The following FER variants were observed in gnomAD, a reference collection of about 807,000 sequenced individuals.
The protein encoded by FER is FER tyrosine kinase, also known as tyrosine-protein kinase Fer.
In FER, 63 loss-of-function variants were observed where a neutral mutation model predicts 111.0. That is an observed-to-expected ratio of 0.57 (90% CI 0.46 to 0.70). The LOEUF (loss-of-function observed/expected upper bound fraction) is 0.70. Among genes scored for constraint, FER ranks in the 30% least tolerant of loss-of-function variants. FER has a pLI of 0.00. For missense variants in FER, 914 were observed against 954.0 expected (o/e 0.96, Z 0.55); for synonymous variants, 327 against 313.9 (o/e 1.04, Z -0.44).
chr5:109,171,806 A>T (rs1757118485), intron 17 of FER, among the ~76,000 whole-genome samples: 1 of 152,188 alleles, frequency 6.6e-6, no homozygotes, highest in Non-Finnish European at 1.5e-5. Context: ...TTGTAGCCTC[A>T]GACAGCTAGT....
intron 13 of FER, among the ~76,000 whole-genome samples, chr5:108,985,030 AAG>A (rs1286569178): frequency 2.6e-5 from 4 of 152,118 alleles, no homozygotes; most frequent in African/African-American, 9.7e-5. Flanking sequence ...AAAATATTAA[AAG>A]AATAATTCCA....
At chr5:108,785,489 C>T in intron 2 of FER, 1 of 569,594 alleles carries the variant, frequency 1.8e-6, no homozygotes. Context: ...TGTTGGTGGT[C>T]ATTTGTTTGC....
chr5:108,906,223 T>C (rs1750741111), intron 10 of FER, among the ~76,000 whole-genome samples: 1 of 152,224 alleles, frequency 6.6e-6, no homozygotes, highest in African/African-American at 2.4e-5. Flanking sequence ...TTGTCTAATA[T>C]TTGATTATTT....
At chr5:109,113,304 T>TC (rs1283036786) in intron 17 of FER, among the ~76,000 whole-genome samples, 4 of 151,920 alleles carry the variant, frequency 2.6e-5, no homozygotes, top group Non-Finnish European at 5.9e-5. Flanking sequence ...ACATCAGGAG[T>TC]CCCACATTAA....
At chr5:109,099,980 T>C (rs562704553) in intron 16 of FER, among the ~76,000 whole-genome samples, 1 of 151,882 alleles carries the variant, frequency 6.6e-6, no homozygotes, top group East Asian at 1.9e-4. Context: ...ATTTACTTTT[T>C]TGTAATTAGC....
intron 13 of FER, among the ~76,000 whole-genome samples, chr5:108,982,274 G>T (rs1167723594): frequency 6.6e-6 from 1 of 152,128 alleles, no homozygotes; most frequent in Admixed American, 6.6e-5. Context: ...TCTGGAGCCT[G>T]TAAGTTATTG....
At chr5:109,095,551 A>G (rs1419060260) in intron 16 of FER, among the ~76,000 whole-genome samples, 1 of 152,064 alleles carries the variant, frequency 6.6e-6, no homozygotes, top group African/African-American at 2.4e-5. Flanking sequence ...TAGTGTTTGC[A>G]TCGGTCCTCT....
At chr5:109,080,707 G>A (rs987489091) in intron 16 of FER, among the ~76,000 whole-genome samples, 1 of 152,014 alleles carries the variant, frequency 6.6e-6, no homozygotes, top group Non-Finnish European at 1.5e-5. Context: ...TAAATGATAG[G>A]AGCAAGGAAA....
intron 2 of FER, among the ~76,000 whole-genome samples, chr5:108,781,881 AT>A (rs1156247652): frequency 6.6e-6 from 1 of 152,038 alleles, no homozygotes. Context: ...TTATTTAAAA[AT>A]GATTTTGTTT....
intron 10 of FER, among the ~76,000 whole-genome samples, chr5:108,898,904 A>G (rs1198280592): frequency 6.6e-6 from 1 of 151,768 alleles, no homozygotes; most frequent in Non-Finnish European, 1.5e-5. Context: ...CCCAGCACAA[A>G]ATTATCCAGG....
At chr5:109,066,555 A>G (rs779741390) in intron 16 of FER, among the ~76,000 whole-genome samples, 3 of 152,180 alleles carry the variant, frequency 2.0e-5, no homozygotes, top group Non-Finnish European at 4.4e-5. Flanking sequence ...TATTATTTCA[A>G]AAATAGTTGA....
intron 11 of FER, among the ~76,000 whole-genome samples, chr5:108,952,326 A>C (rs1410731672): frequency 7.2e-6 from 1 of 139,434 alleles, no homozygotes; most frequent in African/African-American, 2.5e-5. Context: ...GATGCATCCT[A>C]CATATATTAC....
intron 9 of FER, among the ~76,000 whole-genome samples, chr5:108,885,032 C>G (rs1173300411): frequency 1.3e-5 from 2 of 151,972 alleles, no homozygotes; most frequent in African/African-American, 2.4e-5. Flanking sequence ...TTCTCTTCCG[C>G]TCAGCCAATC....
chr5:109,098,621 CTA>C (rs769786019), intron 16 of FER, among the ~76,000 whole-genome samples: 1 of 151,540 alleles, frequency 6.6e-6, no homozygotes, highest in Non-Finnish European at 1.5e-5. Context: ...AATTTCAAGT[CTA>C]TTTTAATAGG....
intron 16 of FER, among the ~76,000 whole-genome samples, chr5:109,090,238 A>C (rs1045397251): frequency 1.3e-5 from 2 of 152,158 alleles, no homozygotes; most frequent in African/African-American, 2.4e-5. Flanking sequence ...AAGCTCTTAA[A>C]AAAGACAACT....
intron 16 of FER, among the ~76,000 whole-genome samples, chr5:109,063,603 A>T (rs182954894): frequency 1.2e-3 from 179 of 152,352 alleles, no homozygotes; most frequent in Admixed American, 3.2e-3. Context: ...ACTTCACAGT[A>T]ATCAGTTTTG....
chr5:109,105,291 A>G (rs1748774718), intron 17 of FER, among the ~76,000 whole-genome samples: 1 of 147,256 alleles, frequency 6.8e-6, no homozygotes, highest in South Asian at 2.1e-4. Flanking sequence ...TTGAGACTTC[A>G]TATTTTATTA....
At chr5:109,152,076 G>C (rs1426982038) in intron 17 of FER, among the ~76,000 whole-genome samples, 1 of 151,918 alleles carries the variant, frequency 6.6e-6, no homozygotes, top group African/African-American at 2.4e-5. Flanking sequence ...TTTAATTCCA[G>C]GAAAAATTTG....
intron 1 of FER, among the ~76,000 whole-genome samples, chr5:108,757,951 A>AAC (rs1164755339): frequency 5.9e-5 from 9 of 152,172 alleles, no homozygotes; most frequent in Non-Finnish European, 1.3e-4. Flanking sequence ...TGTGTCTGGA[A>AAC]CTGGCATTCT....
Sources: allele counts gnomAD v4.1 joint callset (sites outside exome capture counted in the v4.1 genomes callset), GRCh38; gene constraint gnomAD v4.1.1; transcripts MANE v1.5; gene names NCBI Gene and HGNC (gene_info 2026-07-23, HGNC 2026-07-21).